The following DAB1 variants were observed in gnomAD, a reference collection of about 807,000 sequenced individuals.
DAB1 encodes disabled homolog 1.
In DAB1, 15 loss-of-function variants were observed where a neutral mutation model predicts 64.6. The observed-to-expected ratio is 0.23, with a 90% CI of 0.16 to 0.36. The LOEUF (loss-of-function observed/expected upper bound fraction) is 0.36. DAB1 is among the 10% of genes least tolerant of loss of function. DAB1 has a pLI of 1.00. For synonymous variants in DAB1, 235 were observed against 251.9 expected (o/e 0.93, Z 0.64); for missense variants, 596 against 706.7 (o/e 0.84, Z 1.78).
intron 1 of DAB1, among the ~76,000 whole-genome samples, chr1:57,883,845 C>G (rs1644183121): frequency 6.6e-6 from 1 of 152,110 alleles, no homozygotes; most frequent in Non-Finnish European, 1.5e-5. Context: ...AAATAATGAA[C>G]CTTGGGTTAT....
At chr1:58,160,188 CA>C (rs1655451232) in intron 4 of DAB1, among the ~76,000 whole-genome samples, 1 of 152,012 alleles carries the variant, frequency 6.6e-6, no homozygotes, top group Admixed American at 6.6e-5. Flanking sequence ...GCAGGTAGGC[CA>C]GGGGGTAAGG....
At chr1:57,903,753 T>A (rs1644510479) in intron 5 of DAB1, among the ~76,000 whole-genome samples, 1 of 152,178 alleles carries the variant, frequency 6.6e-6, no homozygotes, top group Admixed American at 6.5e-5. Context: ...GCTCACTGGT[T>A]ATTGTGGAAT....
At chr1:57,996,640 T>C (rs1379183174) in intron 5 of DAB1, among the ~76,000 whole-genome samples, 1 of 152,084 alleles carries the variant, frequency 6.6e-6, no homozygotes, top group Non-Finnish European at 1.5e-5. Context: ...TGCAGAAGGG[T>C]GGAAAAGTGT....
intron 2 of DAB1, among the ~76,000 whole-genome samples, chr1:57,287,248 T>A (rs572366911): frequency 1.2e-4 from 18 of 149,632 alleles, no homozygotes; most frequent in Admixed American, 1.0e-3. Flanking sequence ...TTCTTTGCAT[T>A]TTTTTTTGTA....
At chr1:57,354,616 C>T (rs1335717426) in intron 1 of DAB1, among the ~76,000 whole-genome samples, 1 of 152,086 alleles carries the variant, frequency 6.6e-6, no homozygotes, top group Non-Finnish European at 1.5e-5. Flanking sequence ...CAAACAGGCA[C>T]ATCCAATATT....
intron 2 of DAB1, among the ~76,000 whole-genome samples, chr1:57,274,110 C>A (rs953286829): frequency 6.6e-6 from 1 of 152,156 alleles, no homozygotes; most frequent in Non-Finnish European, 1.5e-5. Context: ...CTTTGCCAAT[C>A]TGCTCTGATC....
At chr1:57,373,198 T>C (rs1339279105) in intron 1 of DAB1, among the ~76,000 whole-genome samples, 1 of 151,886 alleles carries the variant, frequency 6.6e-6, no homozygotes, top group Non-Finnish European at 1.5e-5. Context: ...CAAAATAAAT[T>C]AAAAAGAATG....
chr1:57,002,274 G>A (rs1162683390), intron 14 of DAB1, among the ~76,000 whole-genome samples: 4 of 152,190 alleles, frequency 2.6e-5, no homozygotes, highest in African/African-American at 9.7e-5. Context: ...GCCTAGCTTA[G>A]TGTTCTCCTG....
chr1:57,673,072 T>C (rs1227215936), intron 6 of DAB1, among the ~76,000 whole-genome samples: 1 of 152,146 alleles, frequency 6.6e-6, no homozygotes, highest in African/African-American at 2.4e-5. Flanking sequence ...AATTTATTTC[T>C]CACATTTCTG....
intron 1 of DAB1, among the ~76,000 whole-genome samples, chr1:58,528,703 T>A (rs1646388233): frequency 1.3e-5 from 2 of 152,298 alleles, no homozygotes; most frequent in Middle Eastern, 3.4e-3. Flanking sequence ...GCTTTAAATG[T>A]GTCATTCGGT....
intron 3 of DAB1, among the ~76,000 whole-genome samples, chr1:58,412,664 T>C (rs1337049647): frequency 6.6e-6 from 1 of 152,218 alleles, no homozygotes; most frequent in Non-Finnish European, 1.5e-5. Flanking sequence ...AGAAGCACTG[T>C]ATCCTCCATG....
intron 5 of DAB1, among the ~76,000 whole-genome samples, chr1:58,019,893 C>T (rs577768691): frequency 6.6e-6 from 1 of 152,074 alleles, no homozygotes; most frequent in Non-Finnish European, 1.5e-5. Flanking sequence ...ATTCTATTAC[C>T]TTAAGTCACT....
At chr1:57,006,237 G>C (rs1333046899) in intron 14 of DAB1, among the ~76,000 whole-genome samples, 1 of 152,138 alleles carries the variant, frequency 6.6e-6, no homozygotes, top group East Asian at 1.9e-4. Flanking sequence ...GTCTAGCCTT[G>C]ATTTCTCTTT....
intron 5 of DAB1, among the ~76,000 whole-genome samples, chr1:58,005,933 A>AC (rs2100416746): frequency 6.6e-6 from 1 of 152,258 alleles, no homozygotes; most frequent in East Asian, 1.9e-4. Flanking sequence ...AGGTTAAGAG[A>AC]CCCGCCCAAG....
chr1:58,043,718 G>A (rs962659209), intron 5 of DAB1, among the ~76,000 whole-genome samples: 3 of 151,576 alleles, frequency 2.0e-5, no homozygotes, highest in South Asian at 2.1e-4. Flanking sequence ...AAACAGAGAG[G>A]ATAATCACAA....
chr1:57,627,974 G>T (rs1277107461), intron 7 of DAB1, among the ~76,000 whole-genome samples: 3 of 152,280 alleles, frequency 2.0e-5, no homozygotes, highest in South Asian at 2.1e-4. Flanking sequence ...TTCAGGCCCA[G>T]TTCAATTATT....
At chr1:57,577,889 A>G (rs1255807425) in intron 7 of DAB1, among the ~76,000 whole-genome samples, 1 of 152,164 alleles carries the variant, frequency 6.6e-6, no homozygotes, top group Admixed American at 6.5e-5. Context: ...TAGAAACTGG[A>G]CATGACCTGA....
At chr1:57,568,363 T>C (rs1018362374) in intron 7 of DAB1, among the ~76,000 whole-genome samples, 2 of 152,164 alleles carry the variant, frequency 1.3e-5, no homozygotes, top group Non-Finnish European at 2.9e-5. Context: ...GACATAGGCA[T>C]GGGCAAGGAC....
rs570931683 is a variant in DAB1 at position 57,240,930 on chromosome 1, C to T, written c.67+50034G>A. Among the ~76,000 whole-genome samples, 28 of 152,298 alleles carry T rather than the reference C, an allele frequency of 1.8e-4. No individual in the cohort carries two copies. The South Asian group carries it at 4.8e-3, about 26-fold the overall frequency. ...ATTTAAGATAAATGCAGACCTCTCC[C>T]CTTCTTGCATCTCCTGGTGGGATTT... is the stretch of plus-strand genomic sequence containing the variant. On this transcript the variant is annotated intron_variant, in intron 2 of 14. Transcript: ENST00000371236.
Sources: allele counts gnomAD v4.1 joint callset (sites outside exome capture counted in the v4.1 genomes callset), GRCh38; gene constraint gnomAD v4.1.1; transcripts MANE v1.5; gene names NCBI Gene and HGNC (gene_info 2026-07-23, HGNC 2026-07-21).